The following CREB5 variants were observed in gnomAD, a reference collection of about 807,000 sequenced individuals.
The protein encoded by CREB5 is cAMP responsive element binding protein 5, also known as cyclic AMP-responsive element-binding protein 5.
Under a neutral mutation model 57.1 loss-of-function variants are expected in CREB5, and 19 were observed. That is an observed-to-expected ratio of 0.33 (90% confidence interval 0.23 to 0.49). CREB5 has a LOEUF of 0.49. Among genes scored for constraint, CREB5 ranks in the 20% least tolerant of loss-of-function variants. CREB5 has a pLI of 0.99. For missense variants in CREB5, 579 were observed against 671.6 expected, an observed-to-expected ratio of 0.86 and a Z score of 1.52; for synonymous variants, 238 against 238.3, an observed-to-expected ratio of 1.00 and a Z score of 0.01.
chr7:28,778,244 A>G (rs1374050216), intron 7 of CREB5, among the ~76,000 whole-genome samples: 1 of 152,222 alleles, frequency 6.6e-6, no homozygotes, highest in African/African-American at 2.4e-5. Flanking sequence ...GTAATTTACT[A>G]TTCGATTAGT....
At chr7:28,511,597 A>G (rs1165308717) in intron 4 of CREB5, among the ~76,000 whole-genome samples, 2 of 152,046 alleles carry the variant, frequency 1.3e-5, no homozygotes, top group Non-Finnish European at 2.9e-5. Context: ...TGATCCTCCC[A>G]CCTCAGCCTC....
At chr7:28,352,186 G>C (rs17715174) in intron 1 of CREB5, among the ~76,000 whole-genome samples, 39,599 of 152,104 alleles carry the variant, frequency 0.26, 5,447 homozygotes, top group South Asian at 0.36. Flanking sequence ...GGAAATTAGT[G>C]AGTTTTACTC....
Position 28,709,755 on chromosome 7 carries a change from A to ATC in CREB5, c.465-8997_465-8996dup, listed in dbSNP as rs977637119. 8.1e-4 allele frequency among the ~76,000 whole-genome samples: 124 copies of ATC among 152,332 alleles called. 2 individuals carry two copies. The highest frequency in any genetic ancestry group is 8.0e-3 in the Admixed American group (123 of 15,302). Reference sequence around the variant, plus strand: ...GATACTACATCCATAAAATAAAGGCATCAGTAGTACCAAATTCATAAAAAG... The same window carrying ATC: ...GATACTACATCCATAAAATAAAGGCATCTCAGTAGTACCAAATTCATAAAAAG... On this transcript the variant is annotated intron_variant, in intron 5 of 10. Transcript: ENST00000357727.
intron 7 of CREB5, among the ~76,000 whole-genome samples, chr7:28,802,365 A>C (rs1048702334): frequency 1.3e-5 from 2 of 151,876 alleles, no homozygotes; most frequent in African/African-American, 2.4e-5. Context: ...ATGTTTAATT[A>C]AGGATTTTGA....
chr7:28,425,076 G>C (rs916923510), intron 1 of CREB5, among the ~76,000 whole-genome samples: 1 of 152,040 alleles, frequency 6.6e-6, no homozygotes, highest in Non-Finnish European at 1.5e-5. Flanking sequence ...TGTACAGATT[G>C]TTTTGTCACA....
chr7:28,676,287 A>G (rs1461373286), intron 5 of CREB5, among the ~76,000 whole-genome samples: 1 of 152,140 alleles, frequency 6.6e-6, no homozygotes, highest in African/African-American at 2.4e-5. Flanking sequence ...GGCACCTATC[A>G]AGGTTTTTCA....
chr7:28,621,725 C>T (rs752560707), intron 5 of CREB5, among the ~76,000 whole-genome samples: 12 of 152,098 alleles, frequency 7.9e-5, no homozygotes, highest in Non-Finnish European at 1.6e-4. Flanking sequence ...GTCAACCTTC[C>T]GGACACAAGT....
chr7:28,708,734 C>T (rs925148371), intron 5 of CREB5, among the ~76,000 whole-genome samples: 1 of 152,164 alleles, frequency 6.6e-6, no homozygotes, highest in Non-Finnish European at 1.5e-5. Context: ...ACAGATTATT[C>T]GTTAAAATAC....
chr7:28,642,875 C>T (rs1055380585), intron 5 of CREB5, among the ~76,000 whole-genome samples: 4 of 151,856 alleles, frequency 2.6e-5, no homozygotes, highest in African/African-American at 9.7e-5. Flanking sequence ...TGAACACAAG[C>T]ATGCTAAACC....
At chr7:28,745,674 A>G (rs1365646570) in intron 7 of CREB5, among the ~76,000 whole-genome samples, 2 of 152,130 alleles carry the variant, frequency 1.3e-5, no homozygotes, top group Non-Finnish European at 2.9e-5. Context: ...GCTAGAGCAG[A>G]TGATCCACAC....
chr7:28,643,780 A>C (rs1378567164), intron 5 of CREB5, among the ~76,000 whole-genome samples: 3 of 142,668 alleles, frequency 2.1e-5, no homozygotes, highest in African/African-American at 7.6e-5. Context: ...AAAAAAAAAC[A>C]CACAAACCTG....
intron 5 of CREB5, among the ~76,000 whole-genome samples, chr7:28,645,282 T>A (rs1199194134): frequency 2.0e-5 from 3 of 152,224 alleles, no homozygotes; most frequent in African/African-American, 7.2e-5. Flanking sequence ...TGAATCTTCA[T>A]GAGGGAGAAG....
chr7:28,370,485 A>C (rs1786684512), intron 1 of CREB5, among the ~76,000 whole-genome samples: 1 of 152,218 alleles, frequency 6.6e-6, no homozygotes, highest in South Asian at 2.1e-4. Context: ...ATTGAAAGTA[A>C]ATGCATTAAG....
chr7:28,539,898 A>G (rs34140439), intron 4 of CREB5, among the ~76,000 whole-genome samples: 23,426 of 152,246 alleles, frequency 0.15, 2,110 homozygotes, highest in East Asian at 0.31. Context: ...CCAGCCCACC[A>G]TCGCCTAAGT....
At chr7:28,462,294 A>C (rs1249517291) in intron 1 of CREB5, among the ~76,000 whole-genome samples, 2 of 152,142 alleles carry the variant, frequency 1.3e-5, no homozygotes. Flanking sequence ...TGGTTATATC[A>C]TATTTTGTTT....
chr7:28,819,121 G>T lies in CREB5; in HGVS notation c.1369G>T (p.Glu457Ter). The change falls in exon 11 of 11, where the codon GAG becomes TAG. Residue 457 changes from glutamate to a stop codon, truncating the protein, a stop_gained. Transcript: ENST00000357727. LOFTEE classifies it high-confidence loss of function. ...QKESQGYLSP[E>*]SSPPASPVPA... is the part of the protein sequence containing the mutation. ...GTCTTTTTTTTTCTCCCTAGGTCCA[G>T]AGAGTAGCCCTCCTGCTAGTCCTGT... 1 of 1,612,870 alleles carries T rather than the reference G, an allele frequency of 6.2e-7. No homozygotes were observed. The highest frequency in any genetic ancestry group is 1.1e-5 in the South Asian group (1 of 90,938).
chr7:28,433,744 C>A (rs1378747606), intron 1 of CREB5, among the ~76,000 whole-genome samples: 1 of 151,944 alleles, frequency 6.6e-6, no homozygotes, highest in Admixed American at 6.6e-5. Context: ...TTAAAAATTT[C>A]TTTTGGTTCT....
At chr7:28,658,963 A>ATATATATG (rs1799461496) in intron 5 of CREB5, among the ~76,000 whole-genome samples, 1 of 117,240 alleles carries the variant, frequency 8.5e-6, no homozygotes, top group Non-Finnish European at 2.0e-5. Flanking sequence ...GTATATATAT[A>ATATATATG]TATATATATA....
chr7:28,486,667 A>ATT (rs1488599298), intron 1 of CREB5, among the ~76,000 whole-genome samples: 5 of 30,810 alleles, frequency 1.6e-4, no homozygotes, highest in African/African-American at 9.2e-4. Context: ...ATCTCCTATG[A>ATT]TTTTATATAT....
Sources: gnomAD v4.1 joint callset for allele counts (sites outside exome capture counted in the v4.1 genomes callset) on GRCh38, gnomAD v4.1.1 for gene constraint, MANE v1.5 for transcripts, NCBI Gene and HGNC (gene_info 2026-07-23, HGNC 2026-07-21) for gene names.